GAREM2: variants seen among roughly 807,000 people sequenced by gnomAD.
GAREM2 encodes the protein GRB2 associated regulator of MAPK1 subtype 2, also known as GRB2-associated and regulator of MAPK protein 2.
Under a neutral mutation model 55.6 loss-of-function variants are expected in GAREM2, and 30 were observed. The ratio of observed to expected loss-of-function variants is 0.54; its 90% CI spans 0.40 to 0.73. The LOEUF is 0.73. Ranked by LOEUF, GAREM2 falls within the 30% of genes least tolerant of loss-of-function variation. GAREM2 has a pLI of 0.00. For missense variants in GAREM2, 1,075 were observed against 1,257.7 expected, an observed-to-expected ratio of 0.85 and a Z score of 2.20; for synonymous variants, 550 against 569.1, an observed-to-expected ratio of 0.97 and a Z score of 0.48.
rs1267362659 is a variant in GAREM2 at position 26,187,465 on chromosome 2, C to T, written c.1833C>T (p.Cys611=). 4.5e-6 allele frequency: 7 copies of T among 1,548,188 alleles called. No homozygotes were observed. The Admixed American group carries it at 1.2e-4, about 26-fold the overall frequency. Residue 611 remains cysteine, a synonymous_variant, in exon 6 of 6, where the codon TGC becomes TGT. Coordinates refer to ENST00000401533, the MANE Select transcript of GAREM2 (RefSeq NM_001168241.2). ...CCCCTGTTAAGACCTACCACAGCTG[C>T]CCTCCTCTATTCAAGCCCTCACATC... is the stretch of plus-strand genomic sequence containing the variant. ...ADTPVKTYHS[C]PPLFKPSHPQ...
At position 26,184,587 on chromosome 2, in the gene GAREM2, A is replaced by G; in HGVS notation, c.739A>G (p.Met247Val). The G allele has an allele frequency of 6.5e-7, 1 of 1,548,354 alleles. No homozygotes were observed. Among genetic ancestry groups the G allele is most frequent in the South Asian group, 1.2e-5 (1 of 83,918 alleles). ...CACTCGCAGCCCGCTGGAGCTGCAG[A>G]TGCAAGAGGGCGAGCACACGGTGCG... is the stretch of plus-strand genomic sequence containing the variant. ...FSTRSPLELQ[M>V]QEGEHTVRAI... The change falls in exon 4 of 6, where the codon ATG (methionine) becomes GTG (valine). Residue 247 changes from methionine to valine, a missense_variant. Coordinates refer to ENST00000401533, the MANE Select transcript of GAREM2 (RefSeq NM_001168241.2).
At chr2:26,195,938 G>T in the GAREM2 span, among the ~76,000 whole-genome samples, 1 of 152,212 alleles carries the variant, frequency 6.6e-6, no homozygotes, top group South Asian at 2.1e-4. Context: ...TGAGCTAACA[G>T]TTACATAGTC....
At chr2:26,201,788 CTTTT>C in the GAREM2 span, among the ~76,000 whole-genome samples, 3 of 145,158 alleles carry the variant, frequency 2.1e-5, no homozygotes, top group African/African-American at 7.5e-5. Flanking sequence ...TAGTTGTAAT[CTTTT>C]TTTTTTTTTA....
chr2:26,203,963 G>A, the GAREM2 span: 2 of 1,188,000 alleles, frequency 1.7e-6, no homozygotes, highest in Non-Finnish European at 2.5e-6. Flanking sequence ...GTGATGGCAA[G>A]AACAAACAAA....
intron 2 of GAREM2, 28 bp from the exon 3 acceptor site, chr2:26,182,939 C>T: frequency 6.5e-7 from 1 of 1,550,286 alleles, no homozygotes; most frequent in Non-Finnish European, 8.7e-7. Context: ...CAGGCCCACT[C>T]CAGCAACTTT....
At chr2:26,183,688 C>G (rs1669128883) in intron 3 of GAREM2, among the ~76,000 whole-genome samples, 1 of 151,970 alleles carries the variant, frequency 6.6e-6, no homozygotes, top group South Asian at 2.1e-4. Flanking sequence ...TGCCACTGCC[C>G]TCCAGCCTGG....
downstream of GAREM2, chr2:26,191,268 G>A: frequency 6.2e-7 from 1 of 1,612,744 alleles, no homozygotes; most frequent in Middle Eastern, 2.0e-4. Flanking sequence ...AGAACTTCTT[G>A]TTAGGGCTGT....
chr2:26,201,822 T>A, the GAREM2 span, among the ~76,000 whole-genome samples: 1 of 151,878 alleles, frequency 6.6e-6, no homozygotes, highest in African/African-American at 2.4e-5. Context: ...TGAGACGGAG[T>A]CTCGCTCTGT....
chr2:26,174,167 G>C (rs183143618), intron 1 of GAREM2, among the ~76,000 whole-genome samples: 347 of 152,292 alleles, frequency 2.3e-3, no homozygotes, highest in South Asian at 0.016. Context: ...ATGCTAATGG[G>C]GCCCGCGGCC....
downstream of GAREM2, chr2:26,193,504 ACT>A (rs1669572323): frequency 7.2e-6 from 9 of 1,242,960 alleles, no homozygotes; most frequent in Non-Finnish European, 1.1e-5. Flanking sequence ...GGCTTCTGTA[ACT>A]CTTTGGTCTC....
At position 26,187,542 on chromosome 2, in the gene GAREM2, C is replaced by A; in HGVS notation, c.1910C>A (p.Ala637Asp). 2.6e-6 allele frequency: 4 copies of A among 1,537,878 alleles called. No individual in the cohort carries two copies. Among genetic ancestry groups the A allele is most frequent in the Non-Finnish European group, 3.5e-6 (4 of 1,140,856 alleles). ...GCTCTCAACCCTTTTTCCGGGCCTG[C>A]CTACCCCTCAGGCCCTTCAGCGGCC... ...FGALNPFSGP[A>D]YPSGPSAALS... The change falls in exon 6 of 6, where the codon GCC becomes GAC. Residue 637 changes from alanine (A) to aspartate (D), a missense_variant. Physicochemically the swap from Ala to Asp is moderately radical, Grantham distance 126 (BLOSUM62 -2). Transcript: ENST00000401533.
rs1248697050 is a variant in GAREM2, at chr2:26,184,712, C to T, written c.864C>T (p.Cys288=). 6.5e-7 allele frequency: 1 copy of T among 1,536,582 alleles called. No homozygotes were observed. Among genetic ancestry groups the T allele is most frequent in the Admixed American group, 2.0e-5 (1 of 50,268 alleles). Residue 288 remains cysteine (C), a synonymous_variant, in exon 4 of 6, where the codon TGC becomes TGT. Coordinates refer to ENST00000401533, the MANE Select transcript of GAREM2 (RefSeq NM_001168241.2). ...TGCACCCGGTGCGGGAGGGTCATTG[C>T]TACAAGCTGGTTAGCATCATCTCCA... is the stretch of plus-strand genomic sequence containing the variant. ...YDLHPVREGH[C]YKLVSIISKT...
In GAREM2 at chr2:26,176,390, C is replaced by T. The variant is rs190551610; in HGVS notation, c.159C>T (p.His53=). 36 of 1,550,364 alleles carry T rather than the reference C, an allele frequency of 2.3e-5. No individual in the cohort carries two copies. In the African/African-American group the frequency reaches 3.8e-4, roughly 16 times the overall value. The change falls in exon 2 of 6, where the codon CAC becomes CAT. Residue 53 remains histidine, a synonymous_variant. Coordinates refer to ENST00000401533, the MANE Select transcript of GAREM2 (RefSeq NM_001168241.2). ...GTGAGCGAGACATCCTGCTCATCCA[C>T]TCCTGCCGGCAGTGGACAACGGTGA... ...GVSERDILLI[H]SCRQWTTVTA...
the GAREM2 span, chr2:26,197,613 T>C: frequency 5.0e-6 from 4 of 795,546 alleles, no homozygotes; most frequent in Non-Finnish European, 9.1e-6. Context: ...CTGTCTCTTC[T>C]GTACTCAAGC....
Position 26,177,969 on chromosome 2 carries a change from A to T in GAREM2, c.253+1485A>T, listed in dbSNP as rs564263271. On this transcript the variant is annotated intron_variant, in intron 2 of 5. Coordinates refer to ENST00000401533, the MANE Select transcript of GAREM2 (RefSeq NM_001168241.2). ...CTGCTGTGCCCAGCTGCTCCTGACA[A>T]CCCCCTCACCAAGGCTGGGAAGGTC... 1.3e-4 allele frequency among the ~76,000 whole-genome samples: 19 copies of T among 151,598 alleles called. No individual in the cohort carries two copies. In the South Asian group the frequency reaches 4.0e-3, roughly 32 times the overall value.
At position 26,176,392 on chromosome 2, in the gene GAREM2, C is replaced by T; in HGVS notation, c.161C>T (p.Ser54Phe). The T allele has an allele frequency of 6.4e-7, 1 of 1,550,490 alleles. No individual in the cohort carries two copies. Among genetic ancestry groups the T allele is most frequent in the Non-Finnish European group, 8.7e-7 (1 of 1,146,322 alleles). ...VSERDILLIH[S>F]CRQWTTVTAH... ...GAGCGAGACATCCTGCTCATCCACTCCTGCCGGCAGTGGACAACGGTGACA... is the reference window on the plus strand; with the variant it reads ...GAGCGAGACATCCTGCTCATCCACTTCTGCCGGCAGTGGACAACGGTGACA... Residue 54 changes from serine to phenylalanine, a missense_variant, in exon 2 of 6, where the codon TCC becomes TTC. This residue lies in a region of GAREM2 where 230 missense variants were observed against 310.6 expected (regional missense o/e 0.74). Transcript: ENST00000401533.
At chr2:26,204,015 G>GA in the GAREM2 span, 1 of 1,597,946 alleles carries the variant, frequency 6.3e-7, no homozygotes, top group Admixed American at 1.7e-5. Context: ...AACTAACCAA[G>GA]AAACAAAGGA....
At chr2:26,195,862 A>ATG in the GAREM2 span, among the ~76,000 whole-genome samples, 2 of 152,188 alleles carry the variant, frequency 1.3e-5, no homozygotes, top group Non-Finnish European at 2.9e-5. Flanking sequence ...GGTGGGGCCC[A>ATG]GATTTGTTTT....
chr2:26,184,211 G>C, intron 3 of GAREM2, 22 bp from the exon 4 acceptor site: 3 of 1,548,028 alleles, frequency 1.9e-6, no homozygotes, highest in Non-Finnish European at 1.7e-6. Flanking sequence ...CTAAGGCCCT[G>C]CCCTGTCTCT....
Sources: gnomAD v4.1 joint callset for allele counts (sites outside exome capture counted in the v4.1 genomes callset) on GRCh38, gnomAD v4.1.1 for gene constraint, gnomAD v4.1.1 regional missense constraint, MANE v1.5 for transcripts, NCBI Gene and HGNC (gene_info 2026-07-23, HGNC 2026-07-21) for gene names.